ANKS1B: variants seen among roughly 807,000 people sequenced by gnomAD.
ANKS1B encodes the protein ankyrin repeat and sterile alpha motif domain-containing protein 1B.
In ANKS1B, 36 loss-of-function variants were observed where a neutral mutation model predicts 148.3. The ratio of observed to expected loss-of-function variants is 0.24; its 90% CI spans 0.19 to 0.32. The LOEUF (loss-of-function observed/expected upper bound fraction) is 0.32, where lower values mean the gene tolerates loss of function less well. Ranked by LOEUF, ANKS1B falls within the 10% of genes least tolerant of loss-of-function variation. ANKS1B has a pLI of 1.00. For missense variants in ANKS1B, 1,157 were observed against 1,542.6 expected (o/e 0.75, Z 4.19); for synonymous variants, 542 against 560.8 (o/e 0.97, Z 0.47).
At chr12:99,332,430 CA>C (rs1231948021) in intron 12 of ANKS1B, among the ~76,000 whole-genome samples, 2 of 152,006 alleles carry the variant, frequency 1.3e-5, no homozygotes, top group African/African-American at 4.8e-5. Context: ...ACTTTGCTAC[CA>C]GTTATTGAAC....
chr12:99,481,391 G>C (rs548647875), intron 10 of ANKS1B, among the ~76,000 whole-genome samples: 1 of 151,564 alleles, frequency 6.6e-6, no homozygotes, highest in Non-Finnish European at 1.5e-5. Context: ...GTATTCCATG[G>C]CATATATATA....
At chr12:99,548,581 G>A (rs1193667522) in intron 9 of ANKS1B, among the ~76,000 whole-genome samples, 1 of 151,936 alleles carries the variant, frequency 6.6e-6, no homozygotes, top group Non-Finnish European at 1.5e-5. Flanking sequence ...CTTTAAAAAT[G>A]TAAATCTTCT....
At chr12:98,772,089 A>AATTCTAAGAATTTCATTCATTC (rs1310441188) in intron 25 of ANKS1B, among the ~76,000 whole-genome samples, 8 of 152,238 alleles carry the variant, frequency 5.3e-5, no homozygotes, top group Non-Finnish European at 8.8e-5. Context: ...TCTAAGTTGA[A>AATTCTAAGAATTTCATTCATTC]TGGAAGAATG....
intron 14 of ANKS1B, among the ~76,000 whole-genome samples, chr12:99,224,557 T>C (rs148601039): frequency 1.3e-5 from 2 of 152,274 alleles, no homozygotes; most frequent in African/African-American, 2.4e-5. Flanking sequence ...ATGCTTCTGC[T>C]TTGCCTTCCG....
chr12:99,634,441 T>A (rs1598502864), intron 9 of ANKS1B, among the ~76,000 whole-genome samples: 1 of 152,130 alleles, frequency 6.6e-6, no homozygotes, highest in East Asian at 1.9e-4. Flanking sequence ...AAAAAATATA[T>A]TACTTTTCTT....
At chr12:99,309,363 G>GT (rs568516197) in intron 12 of ANKS1B, among the ~76,000 whole-genome samples, 19 of 151,868 alleles carry the variant, frequency 1.3e-4, no homozygotes, top group East Asian at 7.7e-4. Flanking sequence ...TTAATGTTAT[G>GT]TTTTTTTCCC....
chr12:98,748,772 T>C (rs2097975610), intron 26 of ANKS1B, among the ~76,000 whole-genome samples: 1 of 152,228 alleles, frequency 6.6e-6, no homozygotes, highest in Non-Finnish European at 1.5e-5. Flanking sequence ...TGAAGGCATC[T>C]GGATGAATAT....
At position 99,504,556 on chromosome 12, in the gene ANKS1B, A is replaced by T; in HGVS notation, c.1358T>A (p.Phe453Tyr). 1 of 1,612,968 alleles carries T rather than the reference A, an allele frequency of 6.2e-7. No homozygotes were observed. The highest frequency in any genetic ancestry group is 1.3e-5 in the African/African-American group (1 of 75,002). ...AGCTGTGTCCATGAGATCACACAGAAAGTTCTCATTTTCTGAAGGAAATGT... is the reference window on the plus strand; with the variant it reads ...AGCTGTGTCCATGAGATCACACAGATAGTTCTCATTTTCTGAAGGAAATGT... ...LDTFPSENEN[F>Y]LCDLMDTAVT... Residue 453 changes from phenylalanine to tyrosine, a missense_variant, in exon 10 of 27, where the codon TTT (phenylalanine) becomes TAT (tyrosine). Physicochemically the swap from Phe to Tyr is conservative, Grantham distance 22. This residue lies in a region of ANKS1B where 661 missense variants were observed against 642.1 expected (regional missense o/e 1.03). Coordinates refer to ENST00000683438, the MANE Select transcript of ANKS1B (RefSeq NM_001352186.2).
At chr12:99,791,343 C>T (rs1170372248) in intron 4 of ANKS1B, among the ~76,000 whole-genome samples, 1 of 151,850 alleles carries the variant, frequency 6.6e-6, no homozygotes, top group African/African-American at 2.4e-5. Flanking sequence ...ACTTCAACTC[C>T]CCACTTTCAG....
intron 1 of ANKS1B, among the ~76,000 whole-genome samples, chr12:99,890,446 T>G (rs1332969366): frequency 6.6e-6 from 1 of 152,164 alleles, no homozygotes; most frequent in African/African-American, 2.4e-5. Flanking sequence ...CAGACAGGAC[T>G]GCAACATCAA....
intron 19 of ANKS1B, among the ~76,000 whole-genome samples, chr12:98,817,862 G>A (rs1430574997): frequency 2.0e-5 from 3 of 152,094 alleles, no homozygotes; most frequent in African/African-American, 7.2e-5. Flanking sequence ...ACCTTCCCCT[G>A]TGCCTGTGGG....
intron 1 of ANKS1B, among the ~76,000 whole-genome samples, chr12:99,936,015 A>G (rs2094758989): frequency 6.6e-6 from 1 of 152,198 alleles, no homozygotes; most frequent in East Asian, 1.9e-4. Flanking sequence ...AATGAGTGCA[A>G]GCAGGGGAAA....
intron 6 of ANKS1B, among the ~76,000 whole-genome samples, chr12:99,776,972 C>T (rs370730903): frequency 7.9e-5 from 12 of 152,092 alleles, no homozygotes; most frequent in Admixed American, 4.6e-4. Flanking sequence ...CGTGAGCCAC[C>T]GCACCCTGCC....
rs566005558 is a variant in ANKS1B at position 99,769,495 on chromosome 12, G to A, written c.1128+3427C>T. Among the ~76,000 whole-genome samples, 251 of 152,226 alleles carry A rather than the reference G, an allele frequency of 1.6e-3. 2 individuals carry two copies. Among genetic ancestry groups the A allele is most frequent in the African/African-American group, 5.7e-3 (236 of 41,532 alleles). On this transcript the variant is annotated intron_variant, in intron 8 of 26. Transcript: ENST00000683438. ...TTATTTTCCAAAAATGTCACTTTCA[G>A]GAGAACTCTCCTACACAAGAATTTA...
chr12:99,866,407 C>A (rs948644968), intron 1 of ANKS1B, among the ~76,000 whole-genome samples: 11 of 152,206 alleles, frequency 7.2e-5, no homozygotes, highest in African/African-American at 1.9e-4. Flanking sequence ...ACTTTTCCTA[C>A]CTCATTTTCA....
intron 8 of ANKS1B, among the ~76,000 whole-genome samples, chr12:99,714,657 G>A (rs879023148): frequency 3.5e-4 from 54 of 152,260 alleles, no homozygotes; most frequent in Admixed American, 3.3e-3. Flanking sequence ...ATCAATAAAT[G>A]TTGTATGTGT....
chr12:99,507,687 C>T (rs544384594), intron 9 of ANKS1B, among the ~76,000 whole-genome samples: 1 of 151,860 alleles, frequency 6.6e-6, no homozygotes, highest in African/African-American at 2.4e-5. Flanking sequence ...AGGTGAGGCC[C>T]CCGCGGGAAG....
intron 8 of ANKS1B, among the ~76,000 whole-genome samples, chr12:99,739,382 A>C (rs376454432): frequency 2.0e-5 from 3 of 147,778 alleles, no homozygotes; most frequent in Non-Finnish European, 4.4e-5. Flanking sequence ...CAAAGCTAAA[A>C]AAAAACTCCA....
intron 8 of ANKS1B, among the ~76,000 whole-genome samples, chr12:99,668,136 A>T (rs1258232380): frequency 6.6e-6 from 1 of 152,158 alleles, no homozygotes; most frequent in Non-Finnish European, 1.5e-5. Flanking sequence ...GTGGGGAAGA[A>T]TTTCATTATG....
Sources: gnomAD v4.1 joint callset for allele counts (sites outside exome capture counted in the v4.1 genomes callset) on GRCh38, gnomAD v4.1.1 for gene constraint, gnomAD v4.1.1 regional missense constraint, MANE v1.5 for transcripts, NCBI Gene and HGNC (gene_info 2026-07-23, HGNC 2026-07-21) for gene names.